Variants in USP8 observed in about 807,000 individuals in gnomAD.
The protein encoded by USP8 is ubiquitin specific peptidase 8.
Under a neutral mutation model 130.0 loss-of-function variants are expected in USP8, and 27 were observed. The ratio of observed to expected loss-of-function variants is 0.21; its 90% CI spans 0.15 to 0.29. The LOEUF is 0.29. Among genes scored for constraint, USP8 ranks in the 10% least tolerant of loss-of-function variants. USP8 has a pLI of 1.00. For missense variants in USP8, 1,029 were observed against 1,312.2 expected (o/e 0.78, Z 3.33); for synonymous variants, 392 against 444.1 (o/e 0.88, Z 1.48).
intron 4 of USP8, among the ~76,000 whole-genome samples, chr15:50,455,518 A>G (rs2050763373): frequency 6.6e-6 from 1 of 152,232 alleles, no homozygotes; most frequent in African/African-American, 2.4e-5. Context: ...AAATCTTTGT[A>G]TGCTAAATGC....
At chr15:50,493,675 G>A in intron 15 of USP8, 1 of 371,722 alleles carries the variant, frequency 2.7e-6, no homozygotes, top group South Asian at 2.0e-5. Context: ...AGCCCAGAAG[G>A]TCAAGGCTGC....
At chr15:50,445,267 T>A (rs1386539799) in intron 3 of USP8, among the ~76,000 whole-genome samples, 3 of 151,732 alleles carry the variant, frequency 2.0e-5, no homozygotes, top group African/African-American at 4.8e-5. Context: ...AGATTTAGGC[T>A]GGGCGCAATG....
At chr15:50,464,891 A>C (rs1425178929) in intron 6 of USP8, among the ~76,000 whole-genome samples, 156 bp from the exon 7 acceptor site, 3 of 152,238 alleles carry the variant, frequency 2.0e-5, no homozygotes, top group Non-Finnish European at 4.4e-5. Flanking sequence ...TTAGTTTACA[A>C]GATAATAAAT....
chr15:50,447,068 A>T (rs1281109453), intron 3 of USP8, among the ~76,000 whole-genome samples: 3 of 152,226 alleles, frequency 2.0e-5, no homozygotes, highest in African/African-American at 7.2e-5. Flanking sequence ...AGAATGATAG[A>T]TTATTGAGCA....
intron 4 of USP8, among the ~76,000 whole-genome samples, chr15:50,455,394 G>A (rs2050758735): frequency 7.0e-6 from 1 of 143,728 alleles, no homozygotes; most frequent in Non-Finnish European, 1.6e-5. Context: ...TAGAATTTCT[G>A]TGTGGTTCTT....
chr15:50,449,120 A>G (rs935907855), intron 3 of USP8, among the ~76,000 whole-genome samples: 19 of 152,362 alleles, frequency 1.2e-4, no homozygotes, highest in Admixed American at 7.8e-4. Context: ...CGCTTACTCA[A>G]AAATAACAAT....
rs918703196 is a variant in USP8, at chr15:50,511,077, C to T, written c.*11989C>T. 6 of 152,178 alleles carry T rather than the reference C, an allele frequency of 3.9e-5. No individual in the cohort carries two copies. The highest frequency in any genetic ancestry group is 1.4e-4 in the African/African-American group (6 of 41,430). The allele number at this position is 152,178 out of a possible 1,614,324, so 9.4% of individuals were successfully genotyped here. ...ACAGGCGTCAGCCACCGTGCCCGGC[C>T]GATGTACACCAATGTTCTCTGTACA... On this transcript the variant is annotated 3_prime_UTR_variant, in exon 20 of 20. Transcript: ENST00000307179.
intron 16 of USP8, among the ~76,000 whole-genome samples, chr15:50,495,357 T>C (rs1447469982): frequency 9.8e-6 from 1 of 102,314 alleles, no homozygotes; most frequent in Non-Finnish European, 2.1e-5. Context: ...TATATACATA[T>C]ATAGAGAGAG....
chr15:50,425,599 AT>A (rs2141239120), intron 1 of USP8, among the ~76,000 whole-genome samples: 1 of 152,076 alleles, frequency 6.6e-6, no homozygotes, highest in South Asian at 2.1e-4. Flanking sequence ...TGAAATATGT[AT>A]TCCTTTTCTT....
chr15:50,491,573 G>A (rs2052169638), intron 14 of USP8, among the ~76,000 whole-genome samples: 1 of 152,086 alleles, frequency 6.6e-6, no homozygotes, highest in African/African-American at 2.4e-5. Flanking sequence ...CTGAGTACAG[G>A]TAAAGAGGAG....
chr15:50,449,987 G>A (rs887252530), intron 4 of USP8, among the ~76,000 whole-genome samples: 14 of 148,956 alleles, frequency 9.4e-5, no homozygotes, highest in Non-Finnish European at 1.8e-4. Flanking sequence ...TCCGCCCCTG[G>A]GGTTCACGCC....
rs376852674 is a variant in USP8, at chr15:50,471,770, G to A, written c.824G>A (p.Arg275Gln). The A allele has an allele frequency of 4.2e-5, 67 of 1,613,938 alleles. No individual in the cohort carries two copies. In the East Asian group the frequency reaches 8.0e-4, roughly 19 times the overall value. ...GATTTACAGATTGGAACAACTCTCC[G>A]GAGTCTGAAAGATGCACTTTTCAAG... ...AKDLQIGTTL[R>Q]SLKDALFKWE... Residue 275 changes from arginine (R) to glutamine (Q), a missense_variant, in exon 8 of 20, where the codon CGG becomes CAG. Around this residue, in one of 4 missense-constraint regions of USP8, gnomAD observed 281 missense variants for 336.7 expected, o/e 0.83. Coordinates refer to ENST00000307179, the MANE Select transcript of USP8 (RefSeq NM_005154.5).
In USP8 at chr15:50,500,502, A is replaced by C; in HGVS notation, c.*1414A>C. 2 of 343,396 alleles carry C rather than the reference A, an allele frequency of 5.8e-6. No individual in the cohort carries two copies. The highest frequency in any genetic ancestry group is 1.1e-5 in the Non-Finnish European group (2 of 181,642). 21.3% of individuals were successfully genotyped at this position (343,396 alleles called of 1,614,324 possible). A position where few individuals can be genotyped will look rare whatever the true frequency, so the allele number is the denominator to read the frequency against. On this transcript the variant is annotated 3_prime_UTR_variant, in exon 20 of 20. Transcript: ENST00000307179. Reference sequence around the variant, plus strand: ...GACCCATCTTCTGGACGACAGATTTATCTTAAGATGAAAGGTTGTATAACA... The same window carrying C: ...GACCCATCTTCTGGACGACAGATTTCTCTTAAGATGAAAGGTTGTATAACA...
chr15:50,452,995 A>G (rs1407788430), intron 4 of USP8, among the ~76,000 whole-genome samples: 1 of 152,228 alleles, frequency 6.6e-6, no homozygotes, highest in Admixed American at 6.5e-5. Flanking sequence ...CTAACAGTGA[A>G]ATGATGCTAG....
rs1373465446 is a variant in USP8 at position 50,501,265 on chromosome 15, G to A, written c.*2177G>A. The A allele has an allele frequency of 1.4e-5, 2 of 146,050 alleles. No homozygotes were observed. The highest frequency in any genetic ancestry group is 2.0e-4 in the East Asian group (1 of 4,958). The allele number at this position is 146,050 out of a possible 1,614,324, so 9.0% of individuals were successfully genotyped here. A position where few individuals can be genotyped will look rare whatever the true frequency, so the allele number is the denominator to read the frequency against. ...GCTTGAGTCCAGGAGTTCAAGACCA[G>A]CCTGGGCAAAATAGCGAGACTCCAT... On this transcript the variant is annotated 3_prime_UTR_variant, in exon 20 of 20. Transcript: ENST00000307179.
At chr15:50,433,039 C>T (rs767755065) in intron 1 of USP8, among the ~76,000 whole-genome samples, 1 of 152,114 alleles carries the variant, frequency 6.6e-6, no homozygotes, top group Non-Finnish European at 1.5e-5. Context: ...GTCAGGAGTT[C>T]GAGACCAGCC....
rs563070169 is a variant in USP8 at position 50,448,310 on chromosome 15, C to T, written c.250-1090C>T. On this transcript the variant is annotated intron_variant, in intron 3 of 19. Transcript: ENST00000307179. ...TTGACATGTTGTGGCAAATTGGATCCAGTAATCATTTAACTGACTTAACTA... is the reference window on the plus strand; with the variant it reads ...TTGACATGTTGTGGCAAATTGGATCTAGTAATCATTTAACTGACTTAACTA... Among the ~76,000 whole-genome samples the T allele has an allele frequency of 2.6e-5, 4 of 152,160 alleles. No homozygotes were observed. In the South Asian group the frequency reaches 6.2e-4, roughly 24 times the overall value.
At chr15:50,442,353 A>G (rs2050287525) in intron 3 of USP8, among the ~76,000 whole-genome samples, 1 of 152,132 alleles carries the variant, frequency 6.6e-6, no homozygotes, top group African/African-American at 2.4e-5. Context: ...GAAGCCATGG[A>G]TAGGGAGGGC....
rs1191310339 is a variant in USP8, at chr15:50,506,201, C to T, written c.*7113C>T. 1 of 152,478 alleles carries T rather than the reference C, an allele frequency of 6.6e-6. No individual in the cohort carries two copies. The highest frequency in any genetic ancestry group is 6.5e-5 in the Admixed American group (1 of 15,280). 9.4% of individuals were successfully genotyped at this position (152,478 alleles called of 1,614,324 possible). On this transcript the variant is annotated 3_prime_UTR_variant, in exon 20 of 20. Transcript: ENST00000307179. Reference sequence around the variant, plus strand: ...GCAAGAACAACAGGGGAAAACAACACAGCAGAGGTCCCCAACCCCCCCAGG... The same window carrying T: ...GCAAGAACAACAGGGGAAAACAACATAGCAGAGGTCCCCAACCCCCCCAGG...
Sources: allele counts gnomAD v4.1 joint callset (sites outside exome capture counted in the v4.1 genomes callset), GRCh38; gene constraint gnomAD v4.1.1; regional missense constraint gnomAD v4.1.1; transcripts MANE v1.5; gene names NCBI Gene and HGNC (gene_info 2026-07-23, HGNC 2026-07-21).